The following MOGAT1 variants were observed in gnomAD, a reference collection of about 807,000 sequenced individuals.
MOGAT1 encodes 2-acylglycerol O-acyltransferase 1.
Under a neutral mutation model 31.4 loss-of-function variants are expected in MOGAT1, and 32 were observed. That is an observed-to-expected ratio of 1.02 (90% CI 0.77 to 1.37). MOGAT1 has a LOEUF of 1.37. MOGAT1 is among the 40% of genes most tolerant of loss of function. MOGAT1 has a pLI of 0.00. For synonymous variants in MOGAT1, 145 were observed against 144.5 expected (o/e 1.00, Z -0.03); for missense variants, 426 against 402.0 (o/e 1.06, Z -0.51).
intron 1 of MOGAT1, among the ~76,000 whole-genome samples, chr2:222,683,430 T>TAA (rs60533237): frequency 0.14 from 19,539 of 142,652 alleles, 1,553 homozygotes; most frequent in East Asian, 0.31. Context: ...TCACTTAAAT[T>TAA]AAAAAAAAAA....
Position 222,689,414 on chromosome 2 carries a change from C to G in MOGAT1, c.423C>G (p.His141Gln), listed in dbSNP as rs77567312. The change falls in exon 3 of 6, where the codon CAC becomes CAG. Residue 141 changes from histidine to glutamine, a missense_variant. Coordinates refer to ENST00000446656, the MANE Select transcript of MOGAT1 (RefSeq NM_058165.3). ...DLFPGFTSYL[H>Q]VLPLWFWCPV... is the part of the protein sequence containing the mutation. ...TTCCTGGCTTTACTTCATATCTTCA[C>G]GTGCTGCCACTTTGGTTCTGGTGTC... 1 of 1,613,982 alleles carries G rather than the reference C, an allele frequency of 6.2e-7. No individual in the cohort carries two copies. Among genetic ancestry groups the G allele is most frequent in the Admixed American group, 1.7e-5 (1 of 60,026 alleles).
intron 5 of MOGAT1, among the ~76,000 whole-genome samples, chr2:222,705,279 T>C (rs1295925346): frequency 6.6e-6 from 1 of 152,198 alleles, no homozygotes; most frequent in Non-Finnish European, 1.5e-5. Context: ...CTTTGTGACT[T>C]GTATCTTGTG....
rs1373989075 is a variant in MOGAT1 at position 222,671,835 on chromosome 2, A to G, written c.50A>G (p.Gln17Arg). 4 of 1,553,546 alleles carry G rather than the reference A, an allele frequency of 2.6e-6. No homozygotes were observed. The Admixed American group carries it at 7.8e-5, about 30-fold the overall frequency. Residue 17 changes from glutamine (Q) to arginine (R), a missense_variant, in exon 1 of 6, where the codon CAG (glutamine) becomes CGG (arginine). Physicochemically the swap from Gln to Arg is conservative, Grantham distance 43. Transcript: ENST00000446656. ...PLNIQLARRL[Q>R]TVAVLQWVLK... Reference sequence around the variant, plus strand: ...AACATCCAGCTGGCGCGGCGGCTGCAGACGGTGGCCGTGCTGCAGTGGGTC... The same window carrying G: ...AACATCCAGCTGGCGCGGCGGCTGCGGACGGTGGCCGTGCTGCAGTGGGTC...
At chr2:222,674,579 G>T (rs1484865215) in intron 1 of MOGAT1, among the ~76,000 whole-genome samples, 1 of 152,082 alleles carries the variant, frequency 6.6e-6, no homozygotes, top group East Asian at 1.9e-4. Flanking sequence ...GTACCCAGTA[G>T]GTAGCTTTTC....
chr2:222,683,453 C>T (rs543513463), intron 1 of MOGAT1, among the ~76,000 whole-genome samples: 4 of 149,264 alleles, frequency 2.7e-5, no homozygotes, highest in East Asian at 4.0e-4. Flanking sequence ...AAGGACCAGG[C>T]GCAGTGGCTC....
At chr2:222,694,641 A>G in intron 4 of MOGAT1, 105 bp downstream of exon 4, 1 of 1,098,832 alleles carries the variant, frequency 9.1e-7, no homozygotes, top group African/African-American at 1.6e-5. Flanking sequence ...ACCTCCTCCA[A>G]ATCGATCTGA....
intron 1 of MOGAT1, among the ~76,000 whole-genome samples, chr2:222,675,625 G>C (rs1039261385): frequency 5.3e-5 from 8 of 151,796 alleles, no homozygotes; most frequent in African/African-American, 1.9e-4. Flanking sequence ...GACTACAGGC[G>C]CCCACCACCA....
In MOGAT1 at chr2:222,688,464, C is replaced by A. The variant is rs368330176; in HGVS notation, c.215C>A (p.Ser72Tyr). 8.7e-6 allele frequency: 14 copies of A among 1,613,574 alleles called. No homozygotes were observed. The highest frequency in any genetic ancestry group is 1.3e-5 in the African/African-American group (1 of 74,918). ...WHTPERGGRRSSWIKNWTLWK... is the reference protein window; with the variant it reads ...WHTPERGGRRYSWIKNWTLWK... ...ACCCCAGAGCGAGGAGGCAGGAGAT[C>A]CAGCTGGATCAAAAATTGGACTCTT... The change falls in exon 2 of 6, where the codon TCC becomes TAC. Residue 72 changes from serine to tyrosine, a missense_variant. By Grantham distance (144) the Ser-to-Tyr change is moderately radical. Coordinates refer to ENST00000446656, the MANE Select transcript of MOGAT1 (RefSeq NM_058165.3).
chr2:222,697,773 C>CTATG, intron 5 of MOGAT1, among the ~76,000 whole-genome samples: 1 of 152,008 alleles, frequency 6.6e-6, no homozygotes, highest in East Asian at 1.9e-4. Context: ...CAGAGTCTCA[C>CTATG]TATGTTGGCC....
chr2:222,675,248 TG>T (rs1172171610), intron 1 of MOGAT1, among the ~76,000 whole-genome samples: 1 of 152,214 alleles, frequency 6.6e-6, no homozygotes, highest in Non-Finnish European at 1.5e-5. Flanking sequence ...TGAAACCTTC[TG>T]GGCAAGACTT....
At chr2:222,702,254 A>G (rs538725278) in intron 5 of MOGAT1, among the ~76,000 whole-genome samples, 1 of 152,358 alleles carries the variant, frequency 6.6e-6, no homozygotes, top group South Asian at 2.1e-4. Context: ...GACATACAAC[A>G]CAACAGCTGT....
intron 5 of MOGAT1, among the ~76,000 whole-genome samples, chr2:222,698,109 G>GT (rs1351873783): frequency 8.5e-6 from 1 of 117,126 alleles, no homozygotes; most frequent in Admixed American, 7.8e-5. Flanking sequence ...ATAGCAGATG[G>GT]GGTTTTAGTG....
intron 5 of MOGAT1, among the ~76,000 whole-genome samples, chr2:222,697,077 A>C (rs1692847442): frequency 6.6e-6 from 1 of 152,180 alleles, no homozygotes. Flanking sequence ...CCAGGAGCAA[A>C]GTATTTAGCT....
intron 3 of MOGAT1, among the ~76,000 whole-genome samples, chr2:222,691,938 G>A (rs577620763): frequency 4.6e-5 from 7 of 152,314 alleles, no homozygotes; most frequent in South Asian, 2.1e-4. Context: ...AGCCAACTGC[G>A]TTTCAGGTTC....
At chr2:222,692,798 G>A (rs1459706880) in intron 3 of MOGAT1, among the ~76,000 whole-genome samples, 1 of 152,172 alleles carries the variant, frequency 6.6e-6, no homozygotes, top group East Asian at 1.9e-4. Context: ...AGGAGCCTGA[G>A]GGAAAACGGA....
chr2:222,705,673 C>T (rs1018300806), intron 5 of MOGAT1, among the ~76,000 whole-genome samples: 3 of 152,242 alleles, frequency 2.0e-5, no homozygotes, highest in Admixed American at 6.5e-5. Context: ...CTTCTTGTGC[C>T]CATTGTTCTC....
intron 1 of MOGAT1, among the ~76,000 whole-genome samples, chr2:222,676,039 G>A (rs1403410783): frequency 6.6e-6 from 1 of 151,976 alleles, no homozygotes; most frequent in Non-Finnish European, 1.5e-5. Context: ...TAAGCTATTA[G>A]TACTTGGAAT....
chr2:222,698,366 CA>C (rs1319954847), intron 5 of MOGAT1, among the ~76,000 whole-genome samples: 3 of 152,116 alleles, frequency 2.0e-5, no homozygotes, highest in African/African-American at 4.8e-5. Flanking sequence ...ATCTCTAAGC[CA>C]AGAAGGTAGA....
At chr2:222,698,107 TG>T (rs1213510993) in intron 5 of MOGAT1, among the ~76,000 whole-genome samples, 2 of 116,754 alleles carry the variant, frequency 1.7e-5, no homozygotes, top group Non-Finnish European at 3.6e-5. Flanking sequence ...ACATAGCAGA[TG>T]GGGTTTTAGT....
Sources: gnomAD v4.1 joint callset for allele counts (sites outside exome capture counted in the v4.1 genomes callset) on GRCh38, gnomAD v4.1.1 for gene constraint, MANE v1.5 for transcripts, NCBI Gene and HGNC (gene_info 2026-07-23, HGNC 2026-07-21) for gene names.